Variants in SLC75A1 observed in about 807,000 individuals in gnomAD.
SLC75A1 encodes the protein major facilitator superfamily domain containing 10.
At chr4:2,934,038 G>C in the SLC75A1 span, 3 of 1,163,784 alleles carry the variant, frequency 2.6e-6, no homozygotes, top group East Asian at 7.7e-5. Context: ...GCACCCTAAA[G>C]GGGCTGATGG....
chr4:2,932,767 G>A, the SLC75A1 span: 1 of 1,548,438 alleles, frequency 6.5e-7, no homozygotes, highest in African/African-American at 1.4e-5. Flanking sequence ...ATCTGCCCAG[G>A]GGCAGGGGCC....
chr4:2,933,421 C>A, the SLC75A1 span: 1 of 974,772 alleles, frequency 1.0e-6, no homozygotes, highest in Non-Finnish European at 1.6e-6. Context: ...TGCCCAGAAG[C>A]CAGGACATGT....
At chr4:2,934,214 C>T in the SLC75A1 span, 1 of 426,194 alleles carries the variant, frequency 2.3e-6, no homozygotes, top group Non-Finnish European at 4.2e-6. Context: ...TGGCCCCACC[C>T]CACCCCACGG....
chr4:2,931,081 C>G, the SLC75A1 span: 7 of 1,600,034 alleles, frequency 4.4e-6, no homozygotes, highest in Admixed American at 8.6e-5. Flanking sequence ...CACCAGGGGC[C>G]CCGCGGCCCT....
the SLC75A1 span, chr4:2,933,836 G>A: frequency 1.9e-6 from 3 of 1,590,346 alleles, no homozygotes; most frequent in African/African-American, 1.3e-5. Flanking sequence ...AGGAGGCCGA[G>A]AAAGACAACG....
the SLC75A1 span, chr4:2,932,138 G>A: frequency 1.2e-6 from 2 of 1,606,656 alleles, no homozygotes; most frequent in African/African-American, 1.3e-5. Context: ...CGGAACCCCA[G>A]GGCGATAGAG....
chr4:2,933,780 C>T, the SLC75A1 span: 3 of 1,595,934 alleles, frequency 1.9e-6, 1 homozygote, highest in South Asian at 3.4e-5. Flanking sequence ...TCTCCAACAG[C>T]CCGGGCAGCA....
At chr4:2,933,892 G>A in the SLC75A1 span, 18 of 1,575,836 alleles carry the variant, frequency 1.1e-5, no homozygotes, top group East Asian at 2.3e-5. Context: ...GGGTGGGCGC[G>A]GGGTGCAGCC....
chr4:2,932,637 G>A, the SLC75A1 span: 2 of 1,613,130 alleles, frequency 1.2e-6, no homozygotes, highest in Non-Finnish European at 1.7e-6. Context: ...GCCCAGGTCA[G>A]CAACGATGGC....
the SLC75A1 span, chr4:2,932,731 A>C: frequency 3.8e-6 from 6 of 1,588,100 alleles, no homozygotes; most frequent in African/African-American, 1.3e-5. Flanking sequence ...GAGGTGGCCC[A>C]GACTGCATAT....
the SLC75A1 span, chr4:2,931,091 T>A: frequency 1.3e-6 from 2 of 1,596,486 alleles, no homozygotes; most frequent in Non-Finnish European, 1.7e-6. Flanking sequence ...CCCGCGGCCC[T>A]GGCCAGAGCA....
At chr4:2,933,164 G>A in the SLC75A1 span, 2 of 1,613,732 alleles carry the variant, frequency 1.2e-6, no homozygotes, top group South Asian at 1.1e-5. Flanking sequence ...CCCAGTGAGT[G>A]GCGCACACAG....
At chr4:2,931,971 A>G in the SLC75A1 span, 1 of 1,601,586 alleles carries the variant, frequency 6.2e-7, no homozygotes, top group Non-Finnish European at 8.5e-7. Context: ...GAAGGCGACC[A>G]CAGCAGGGAA....
At chr4:2,931,283 A>G in the SLC75A1 span, 3 of 1,552,614 alleles carry the variant, frequency 1.9e-6, no homozygotes, top group Admixed American at 1.9e-5. Flanking sequence ...GGCTGGTGGG[A>G]GACATCGAGG....
the SLC75A1 span, chr4:2,934,302 TCCCGATCCCAAC>T: frequency 1.6e-5 from 4 of 254,928 alleles, no homozygotes; most frequent in Non-Finnish European, 3.1e-5. Flanking sequence ...CCGATCCCGA[TCCCGATCCCAAC>T]CCCAACCCCA....
the SLC75A1 span, chr4:2,933,587 T>C: frequency 6.2e-7 from 1 of 1,613,816 alleles, no homozygotes; most frequent in South Asian, 1.1e-5. Flanking sequence ...GACACTGTTG[T>C]ACCTCTTCTC....
At chr4:2,933,155 C>T in the SLC75A1 span, 7 of 1,613,726 alleles carry the variant, frequency 4.3e-6, no homozygotes, top group Non-Finnish European at 5.9e-6. Context: ...AGAGGTGGCC[C>T]CAGTGAGTGG....
At chr4:2,933,470 A>G in the SLC75A1 span, 1 of 1,317,434 alleles carries the variant, frequency 7.6e-7, no homozygotes, top group Non-Finnish European at 1.1e-6. Flanking sequence ...GGGAGTGGGA[A>G]GGCAAGGACC....
chr4:2,932,825 C>G, the SLC75A1 span: 63 of 1,508,740 alleles, frequency 4.2e-5, no homozygotes, highest in Non-Finnish European at 5.6e-5. Flanking sequence ...CAGAGTAGGG[C>G]TTGGCAACCC....
Sources: gnomAD v4.1 joint callset for allele counts on GRCh38, gnomAD v4.1.1 for gene constraint, MANE v1.5 for transcripts, NCBI Gene and HGNC (gene_info 2026-07-23, HGNC 2026-07-21) for gene names.